The following PARD3 variants were observed in gnomAD, a reference collection of about 807,000 sequenced individuals.
The protein encoded by PARD3 is par-3 family cell polarity regulator.
A neutral mutation model predicts 155.4 loss-of-function variants in PARD3; 75 were observed. The ratio of observed to expected loss-of-function variants is 0.48; its 90% confidence interval spans 0.40 to 0.58. The LOEUF (loss-of-function observed/expected upper bound fraction) is 0.58, where lower values mean the gene tolerates loss of function less well. Ranked by LOEUF, PARD3 falls within the 20% of genes least tolerant of loss-of-function variation. PARD3 has a pLI of 0.00. For synonymous variants in PARD3, 576 were observed against 610.5 expected (o/e 0.94, Z 0.83); for missense variants, 1,642 against 1,721.7 (o/e 0.95, Z 0.82).
intron 22 of PARD3, among the ~76,000 whole-genome samples, chr10:34,180,106 G>C (rs1349836613): frequency 6.6e-6 from 1 of 151,880 alleles, no homozygotes; most frequent in African/African-American, 2.4e-5. Flanking sequence ...GGAGTGCAGT[G>C]GCACGATCTC....
At chr10:34,137,296 C>T (rs1034373777) in intron 22 of PARD3, among the ~76,000 whole-genome samples, 40 of 152,128 alleles carry the variant, frequency 2.6e-4, no homozygotes, top group Non-Finnish European at 8.8e-5. Context: ...CTTGCTGGTA[C>T]TGAAGTCGCA....
intron 1 of PARD3, among the ~76,000 whole-genome samples, chr10:34,725,070 A>G (rs144117004): frequency 6.6e-6 from 1 of 151,816 alleles, no homozygotes; most frequent in African/African-American, 2.4e-5. Context: ...TCCCTTACTC[A>G]TAGAATTGTT....
chr10:34,279,563 C>G (rs1956066658), intron 21 of PARD3, among the ~76,000 whole-genome samples: 1 of 152,010 alleles, frequency 6.6e-6, no homozygotes, highest in African/African-American at 2.4e-5. Flanking sequence ...AATAAGTGAT[C>G]TAAATGCAAA....
At chr10:34,660,270 C>T (rs1387103287) in intron 2 of PARD3, among the ~76,000 whole-genome samples, 1 of 152,144 alleles carries the variant, frequency 6.6e-6, no homozygotes, top group Non-Finnish European at 1.5e-5. Context: ...TAATTTGAAA[C>T]TACAATTTCT....
chr10:34,202,427 C>G (rs1336900058), intron 22 of PARD3, among the ~76,000 whole-genome samples: 1 of 152,134 alleles, frequency 6.6e-6, no homozygotes, highest in Non-Finnish European at 1.5e-5. Context: ...CAACTTTTTA[C>G]AGATAAGAGG....
intron 22 of PARD3, among the ~76,000 whole-genome samples, chr10:34,132,610 A>C (rs182605028): frequency 6.6e-6 from 1 of 152,344 alleles, no homozygotes; most frequent in Non-Finnish European, 1.5e-5. Context: ...TAAATCTCAC[A>C]GCACTTTTGG....
intron 1 of PARD3, among the ~76,000 whole-genome samples, chr10:34,773,079 C>T (rs1839099214): frequency 1.3e-5 from 2 of 152,148 alleles, no homozygotes; most frequent in African/African-American, 4.8e-5. Flanking sequence ...AAAACAAAGT[C>T]ATCCCAGCAT....
chr10:34,588,466 C>T (rs1021588556), intron 2 of PARD3, among the ~76,000 whole-genome samples: 7 of 152,252 alleles, frequency 4.6e-5, no homozygotes, highest in African/African-American at 1.4e-4. Flanking sequence ...TAAAATCTAC[C>T]TATCACGTTT....
Position 34,814,882 on chromosome 10 carries a change from G to T in PARD3, c.114C>A (p.Ile38=), listed in dbSNP as rs1169628508. 1 of 1,516,968 alleles carries T rather than the reference G, an allele frequency of 6.6e-7. No individual in the cohort carries two copies. 94.0% of individuals were successfully genotyped at this position (1,516,968 alleles called of 1,614,324 possible). A position where few individuals can be genotyped will look rare whatever the true frequency, so the allele number is the denominator to read the frequency against. ...QQAVTRYRKA[I]AKDPNYWIQV... is the part of the protein sequence containing the mutation. ...CGCGCCCCCGGCCCCTCACCTTGGC[G>T]ATGGCCTTCCGGTAGCGGGTCACCG... is the stretch of plus-strand genomic sequence containing the variant. The change falls in exon 1 of 25, where the codon ATC becomes ATA. Residue 38 remains isoleucine (I), a synonymous_variant. Transcript: ENST00000374788.
intron 1 of PARD3, among the ~76,000 whole-genome samples, chr10:34,800,620 A>G (rs1842760735): frequency 6.6e-6 from 1 of 152,072 alleles, no homozygotes; most frequent in South Asian, 2.1e-4. Flanking sequence ...CAAAAAAACA[A>G]AAAATAAAAA....
chr10:34,239,257 T>C (rs1358411569), intron 22 of PARD3, among the ~76,000 whole-genome samples: 1 of 152,172 alleles, frequency 6.6e-6, no homozygotes, highest in Non-Finnish European at 1.5e-5. Flanking sequence ...GCTGAGAGGA[T>C]AAGCAAAAAG....
intron 1 of PARD3, among the ~76,000 whole-genome samples, chr10:34,768,018 T>C (rs1838333887): frequency 1.3e-5 from 2 of 152,122 alleles, no homozygotes; most frequent in African/African-American, 4.8e-5. Context: ...TTCAAAAACA[T>C]ATGTGCAATT....
chr10:34,676,723 A>G (rs947311799), intron 2 of PARD3, among the ~76,000 whole-genome samples: 8 of 152,294 alleles, frequency 5.3e-5, no homozygotes, highest in Admixed American at 4.6e-4. Flanking sequence ...TCTATAAACA[A>G]TATTATGGAA....
chr10:34,341,521 A>T (rs1836831139), intron 16 of PARD3, 106 bp downstream of exon 16: 1 of 766,648 alleles, frequency 1.3e-6, no homozygotes, highest in East Asian at 2.6e-5. Context: ...AACCATGAAG[A>T]CAGAGCTATT....
intron 22 of PARD3, among the ~76,000 whole-genome samples, chr10:34,221,122 AG>A (rs1203307214): frequency 6.6e-6 from 1 of 152,170 alleles, no homozygotes; most frequent in East Asian, 1.9e-4. Flanking sequence ...CCAAGCATGG[AG>A]GGGCTCTGCT....
chr10:34,383,575 C>T (rs1842065889), intron 8 of PARD3, among the ~76,000 whole-genome samples: 1 of 152,270 alleles, frequency 6.6e-6, no homozygotes. Context: ...ATGCTGGTTC[C>T]CTGGTCAGGA....
rs951116384 is a variant in PARD3, at chr10:34,733,858, C to A, written c.121-37439G>T. On this transcript the variant is annotated intron_variant, in intron 1 of 24. Transcript: ENST00000374788. ...AAAGCAGACTCAAAATTAATATAAA[C>A]CATCTTTCTCAAAACTCCTAATATA... Among the ~76,000 whole-genome samples the A allele has an allele frequency of 9.9e-5, 15 of 152,162 alleles. 1 individual carries two copies. Among genetic ancestry groups the A allele is most frequent in the Admixed American group, 7.8e-4 (12 of 15,298 alleles).
chr10:34,377,445 C>G (rs1260491982), intron 10 of PARD3, among the ~76,000 whole-genome samples: 1 of 152,046 alleles, frequency 6.6e-6, no homozygotes, highest in African/African-American at 2.4e-5. Flanking sequence ...CAAAAATTAG[C>G]CAGGCATGGT....
chr10:34,811,683 T>A (rs1405424329), intron 1 of PARD3, among the ~76,000 whole-genome samples: 4 of 152,110 alleles, frequency 2.6e-5, no homozygotes, highest in African/African-American at 7.2e-5. Flanking sequence ...TAGATTATAC[T>A]TTTTTTTGAA....
Sources: allele counts gnomAD v4.1 joint callset (sites outside exome capture counted in the v4.1 genomes callset), GRCh38; gene constraint gnomAD v4.1.1; transcripts MANE v1.5; gene names NCBI Gene and HGNC (gene_info 2026-07-23, HGNC 2026-07-21).